The following ITPR1 variants were observed in gnomAD, a reference collection of about 807,000 sequenced individuals.
The protein encoded by ITPR1 is inositol 1,4,5-trisphosphate-gated calcium channel ITPR1.
Under a neutral mutation model 318.4 loss-of-function variants are expected in ITPR1, and 96 were observed. The ratio of observed to expected loss-of-function variants is 0.30; its 90% CI spans 0.26 to 0.36. The LOEUF (loss-of-function observed/expected upper bound fraction) is 0.36, where lower values mean the gene tolerates loss of function less well. ITPR1 is among the 10% of genes least tolerant of loss of function. ITPR1 has a pLI of 1.00. For synonymous variants in ITPR1, 1,312 were observed against 1,289.9 expected (o/e 1.02, Z -0.37); for missense variants, 2,440 against 3,460.2 (o/e 0.71, Z 7.40).
intron 4 of ITPR1, among the ~76,000 whole-genome samples, chr3:4,605,123 C>T (rs1020468489): frequency 4.6e-5 from 7 of 152,134 alleles, no homozygotes; most frequent in Non-Finnish European, 1.0e-4. Context: ...AGGCACACGC[C>T]ACCATGCCTA....
chr3:4,768,326 AG>A, intron 45 of ITPR1, 184 bp from the exon 46 acceptor site: 6 of 591,176 alleles, frequency 1.0e-5, no homozygotes, highest in Non-Finnish European at 1.4e-5. Flanking sequence ...GTAAGGTGGC[AG>A]GGCCTGGCTC....
At position 4,673,151 on chromosome 3, in the gene ITPR1, C is replaced by G; in HGVS notation, c.2220C>G (p.Leu740=). 2 of 1,613,740 alleles carry G rather than the reference C, an allele frequency of 1.2e-6. No homozygotes were observed. Among genetic ancestry groups the G allele is most frequent in the East Asian group, 4.5e-5 (2 of 44,884 alleles). Residue 740 remains leucine, a synonymous_variant, in exon 21 of 62, where the codon CTC becomes CTG. Transcript: ENST00000649015. The part of the protein sequence containing the change: ...VLSYYRYQLN[L]FARMCLDRQY... Reference sequence around the variant, plus strand: ...CTTCCTCTAGATATCAGCTGAACCTCTTTGCGAGGATGTGTCTGGACCGCC... The same window carrying G: ...CTTCCTCTAGATATCAGCTGAACCTGTTTGCGAGGATGTGTCTGGACCGCC...
intron 17 of ITPR1, among the ~76,000 whole-genome samples, chr3:4,665,523 T>A (rs1207730112): frequency 1.3e-5 from 2 of 152,186 alleles, no homozygotes; most frequent in African/African-American, 4.8e-5. Context: ...TTCTATGAGA[T>A]TTCTGGTTTT....
rs376109393 is a variant in ITPR1, at chr3:4,676,451, A to G, written c.2780-163A>G. On this transcript the variant is annotated intron_variant, in intron 23 of 61. Transcript: ENST00000649015. The stretch of plus-strand genomic sequence containing the variant: ...CTTTCTGTTGCTCTCAGAAGCCCAG[A>G]TTTTTGATGTGCATTTACCTTTCCA... Among the ~76,000 whole-genome samples, 39 of 152,252 alleles carry G rather than the reference A, an allele frequency of 2.6e-4. No homozygotes were observed. In the East Asian group the frequency reaches 4.6e-3, roughly 18 times the overall value.
At chr3:4,607,658 G>T (rs936310821) in intron 4 of ITPR1, among the ~76,000 whole-genome samples, 5 of 152,068 alleles carry the variant, frequency 3.3e-5, no homozygotes, top group Non-Finnish European at 7.4e-5. Context: ...GGGGTGGCAG[G>T]CAATGGGTGC....
At chr3:4,803,580 G>A (rs1412760850) in intron 54 of ITPR1, among the ~76,000 whole-genome samples, 1 of 152,208 alleles carries the variant, frequency 6.6e-6, no homozygotes, top group East Asian at 1.9e-4. Flanking sequence ...TCAGTGTGGG[G>A]AGGGGAATGT....
intron 4 of ITPR1, among the ~76,000 whole-genome samples, chr3:4,582,021 C>A (rs544577623): frequency 6.6e-6 from 1 of 151,414 alleles, no homozygotes; most frequent in Non-Finnish European, 1.5e-5. Context: ...AGGGTTGTTA[C>A]GCCTTTAAAA....
chr3:4,501,971 T>G (rs1179175363), intron 2 of ITPR1, among the ~76,000 whole-genome samples: 9 of 152,226 alleles, frequency 5.9e-5, no homozygotes, highest in African/African-American at 2.2e-4. Context: ...AAGAAAAATA[T>G]CACTAGTCTC....
rs781411953 is a variant in ITPR1 at position 4,733,177 on chromosome 3, T to C, written c.5310T>C (p.Asn1770=). 5 of 1,613,896 alleles carry C rather than the reference T, an allele frequency of 3.1e-6. No homozygotes were observed. The highest frequency in any genetic ancestry group is 1.7e-5 in the Admixed American group (1 of 60,010). ...GAGAGAGCCTTACCAGCTTTGGCAATGGCCCACTGTCAGCAGGAGGACCCG... is the reference window on the plus strand; with the variant it reads ...GAGAGAGCCTTACCAGCTTTGGCAACGGCCCACTGTCAGCAGGAGGACCCG... ...GRRESLTSFG[N]GPLSAGGPGK... Residue 1770 remains asparagine (N), a synonymous_variant, in exon 43 of 62, where the codon AAT becomes AAC. Transcript: ENST00000649015.
chr3:4,545,182 A>G (rs557345631), intron 4 of ITPR1, among the ~76,000 whole-genome samples: 11 of 152,272 alleles, frequency 7.2e-5, no homozygotes, highest in African/African-American at 2.6e-4. Flanking sequence ...TGAGAGAAAA[A>G]CCCAAAATGA....
Position 4,813,142 on chromosome 3 carries a change from A to G in ITPR1, c.7469A>G (p.Glu2490Gly), listed in dbSNP as rs996705790. 3 of 1,613,714 alleles carry G rather than the reference A, an allele frequency of 1.9e-6. No individual in the cohort carries two copies. The highest frequency in any genetic ancestry group is 2.5e-6 in the Non-Finnish European group (3 of 1,179,628). ...DRLPNETAVPETGESLASEFL... is the reference protein window; with the variant it reads ...DRLPNETAVPGTGESLASEFL... ...CATAAAATTTCCTTCTCTCTCCCAG[A>G]AACCGGCGAGAGTTTGGCAAGCGAG... Residue 2490 changes from glutamate (E) to glycine (G), a missense_variant and splice_region_variant, in exon 57 of 62, where the codon GAA becomes GGA. Glu to Gly is a moderately conservative substitution (Grantham distance 98). Coordinates refer to ENST00000649015, the MANE Select transcript of ITPR1 (RefSeq NM_001378452.1).
intron 44 of ITPR1, among the ~76,000 whole-genome samples, chr3:4,741,606 A>T (rs539766509): frequency 1.3e-5 from 2 of 152,230 alleles, no homozygotes; most frequent in Admixed American, 1.3e-4. Flanking sequence ...TTAGATAGGA[A>T]ATCTCACATC....
intron 4 of ITPR1, among the ~76,000 whole-genome samples, chr3:4,572,795 T>A (rs1479663991): frequency 4.6e-5 from 7 of 152,246 alleles, no homozygotes; most frequent in African/African-American, 1.7e-4. Context: ...CTGGTGTCTA[T>A]GAATTTGACT....
chr3:4,636,004 G>A (rs2093177723), intron 5 of ITPR1, among the ~76,000 whole-genome samples: 1 of 152,044 alleles, frequency 6.6e-6, no homozygotes, highest in Non-Finnish European at 1.5e-5. Flanking sequence ...GGGATTAGAG[G>A]CATTCGCCAC....
chr3:4,800,759 A>G (rs940677786), intron 54 of ITPR1, among the ~76,000 whole-genome samples, 159 bp downstream of exon 54: 2 of 152,204 alleles, frequency 1.3e-5, no homozygotes, highest in African/African-American at 4.8e-5. Context: ...CTGCAGGTGG[A>G]CGTCTCCCTC....
At chr3:4,597,658 A>G (rs993037799) in intron 4 of ITPR1, among the ~76,000 whole-genome samples, 5 of 152,320 alleles carry the variant, frequency 3.3e-5, no homozygotes. Context: ...AATTGTAGAA[A>G]TGAGAGAGAA....
At chr3:4,497,150 A>G (rs971949263) in intron 2 of ITPR1, among the ~76,000 whole-genome samples, 6 of 152,192 alleles carry the variant, frequency 3.9e-5, no homozygotes, top group Non-Finnish European at 8.8e-5. Context: ...TGTGAATGAC[A>G]TAACTTCTAT....
chr3:4,700,110 A>G (rs972669219), intron 35 of ITPR1, among the ~76,000 whole-genome samples, 169 bp downstream of exon 35: 2 of 152,218 alleles, frequency 1.3e-5, no homozygotes, highest in African/African-American at 4.8e-5. Context: ...TGGGTAAAGA[A>G]GTACCTGGGG....
At chr3:4,585,013 T>C (rs1170269162) in intron 4 of ITPR1, among the ~76,000 whole-genome samples, 1 of 152,190 alleles carries the variant, frequency 6.6e-6, no homozygotes, top group Non-Finnish European at 1.5e-5. Flanking sequence ...CAGAGTGTAT[T>C]ACTGGTCTAC....
Sources: allele counts gnomAD v4.1 joint callset (sites outside exome capture counted in the v4.1 genomes callset), GRCh38; gene constraint gnomAD v4.1.1; transcripts MANE v1.5; gene names NCBI Gene and HGNC (gene_info 2026-07-23, HGNC 2026-07-21).